Variants in OPHN1 observed in about 807,000 individuals in gnomAD.
The protein encoded by OPHN1 is oligophrenin-1.
In OPHN1, 11 loss-of-function variants were observed where a neutral mutation model predicts 60.7. The ratio of observed to expected loss-of-function variants is 0.18; its 90% confidence interval spans 0.11 to 0.30. The LOEUF is 0.30. OPHN1 is among the 10% of genes least tolerant of loss of function. The pLI is 1.00. For synonymous variants in OPHN1, 226 were observed against 222.6 expected, an observed-to-expected ratio of 1.02 and a Z score of -0.14; for missense variants, 449 against 611.0, an observed-to-expected ratio of 0.73 and a Z score of 2.80.
intron 2 of OPHN1, among the ~76,000 whole-genome samples, chrX:68,377,184 C>G (rs929171926): frequency 9.4e-6 from 1 of 106,814 alleles, no homozygotes; most frequent in Admixed American, 1.0e-4. Context: ...GTAAGCTCCA[C>G]CTCCCGGCTT....
chrX:68,185,577 T>C (rs751654833), intron 15 of OPHN1, among the ~76,000 whole-genome samples: 67 of 111,020 alleles, frequency 6.0e-4, no homozygotes, highest in African/African-American at 2.2e-3. Context: ...AGGGTTCCAA[T>C]GTATGCTCAT....
intron 2 of OPHN1, among the ~76,000 whole-genome samples, chrX:68,417,480 C>T (rs145098911): frequency 0.013 from 1,446 of 112,238 alleles, 24 homozygotes; most frequent in African/African-American, 0.044. Flanking sequence ...AGAAGTTTCC[C>T]TCTATCAGTT....
At chrX:68,396,164 G>A (rs1335140551) in intron 2 of OPHN1, among the ~76,000 whole-genome samples, 2 of 107,322 alleles carry the variant, frequency 1.9e-5, no homozygotes, top group African/African-American at 6.8e-5. Flanking sequence ...GAGGAATGGC[G>A]ACTCATGCCT....
At chrX:68,063,223 G>A (rs1465154665) in intron 21 of OPHN1, among the ~76,000 whole-genome samples, 1 of 110,674 alleles carries the variant, frequency 9.0e-6, no homozygotes, top group Non-Finnish European at 1.9e-5. Flanking sequence ...AAAAAAAACA[G>A]GAATAATACA....
At position 68,122,118 on chromosome X, in the gene OPHN1, T is replaced by C. The variant is rs749546077; in HGVS notation, c.1277-2786A>G. On this transcript the variant is annotated intron_variant, in intron 15 of 24. Coordinates refer to ENST00000355520, the MANE Select transcript of OPHN1 (RefSeq NM_002547.3). ...TGTGGTAGCTGTGGGGAGAGACTCCTTCTGCTTCAGAAAAGTAGAGGGAAA... is the reference window on the plus strand; with the variant it reads ...TGTGGTAGCTGTGGGGAGAGACTCCCTCTGCTTCAGAAAAGTAGAGGGAAA... 2.1e-3 allele frequency among the ~76,000 whole-genome samples: 232 copies of C among 111,383 alleles called. 2 individuals carry two copies. Among genetic ancestry groups the C allele is most frequent in the South Asian group, 0.014 (35 of 2,592 alleles).
intron 15 of OPHN1, among the ~76,000 whole-genome samples, chrX:68,185,081 T>A (rs1203736807): frequency 8.9e-6 from 1 of 112,682 alleles, no homozygotes; most frequent in African/African-American, 3.2e-5. Context: ...TAGAAATCTT[T>A]GAGAAATATG....
chrX:68,352,655 CTT>C (rs953857325), intron 2 of OPHN1, among the ~76,000 whole-genome samples: 6 of 112,032 alleles, frequency 5.4e-5, no homozygotes, highest in South Asian at 3.7e-4. Context: ...CATTGGGAGA[CTT>C]TGATGAAACT....
chrX:68,428,278 C>T (rs2078869361), intron 2 of OPHN1, among the ~76,000 whole-genome samples: 1 of 111,875 alleles, frequency 8.9e-6, no homozygotes, highest in Non-Finnish European at 1.9e-5. Context: ...TCTCAAAAAT[C>T]TGTTACAAGA....
intron 23 of OPHN1, among the ~76,000 whole-genome samples, chrX:68,049,643 T>C (rs756820616): frequency 1.8e-5 from 2 of 112,030 alleles, no homozygotes; most frequent in Non-Finnish European, 3.8e-5. Context: ...CAGCTCAGAA[T>C]GTGACTGTCA....
At chrX:68,310,564 C>G (rs1397795553) in intron 2 of OPHN1, among the ~76,000 whole-genome samples, 3 of 110,121 alleles carry the variant, frequency 2.7e-5, no homozygotes, top group African/African-American at 6.6e-5. Context: ...AATATGAGAG[C>G]CAGGCAGCAG....
chrX:68,360,271 T>C (rs1362565247), intron 2 of OPHN1, among the ~76,000 whole-genome samples: 1 of 110,802 alleles, frequency 9.0e-6, no homozygotes, highest in African/African-American at 3.3e-5. Context: ...CTCAAACTCC[T>C]GCGTTCAAGT....
chrX:68,151,266 G>A (rs1423191176), intron 15 of OPHN1, among the ~76,000 whole-genome samples: 2 of 112,317 alleles, frequency 1.8e-5, no homozygotes, highest in African/African-American at 6.5e-5. Flanking sequence ...GTAAAAGAAT[G>A]GGTGTGGCTA....
chrX:68,120,963 T>C, intron 15 of OPHN1, among the ~76,000 whole-genome samples: 1 of 112,193 alleles, frequency 8.9e-6, no homozygotes, highest in Admixed American at 9.5e-5. Flanking sequence ...AATTGGACTC[T>C]ATCTTACACT....
chrX:68,317,364 AAAGAAAGAAAGAAAGGAAGGAAGGAAGG>A (rs2078206231), intron 2 of OPHN1, among the ~76,000 whole-genome samples: 1 of 66,963 alleles, frequency 1.5e-5, no homozygotes, highest in African/African-American at 7.6e-5. Flanking sequence ...AGAAAGAAAG[AAAGAAAGAAAGAAAGGAAGGAAGGAAGG>A]AAGGAAGGAA....
chrX:68,045,062 G>A lies in OPHN1; in HGVS notation c.*2110C>T, dbSNP rs1181641809. 1 of 111,454 alleles carries A rather than the reference G, an allele frequency of 9.0e-6. No homozygotes were observed. Among genetic ancestry groups the A allele is most frequent in the East Asian group, 2.8e-4 (1 of 3,515 alleles). 9.2% of individuals were successfully genotyped at this position (111,454 alleles called of 1,213,427 possible). Reference sequence around the variant, plus strand: ...TCTGCTTTATTCAGGATAGAGCAGGGAGGCCACAGCCCTGAAACAAGGGCT... The same window carrying A: ...TCTGCTTTATTCAGGATAGAGCAGGAAGGCCACAGCCCTGAAACAAGGGCT... On this transcript the variant is annotated 3_prime_UTR_variant, in exon 25 of 25. Transcript: ENST00000355520.
At chrX:68,288,635 A>G (rs2078056351) in intron 3 of OPHN1, among the ~76,000 whole-genome samples, 2 of 110,608 alleles carry the variant, frequency 1.8e-5, no homozygotes, top group Admixed American at 1.9e-4. Flanking sequence ...GTGGAAGCAG[A>G]CACCTGTAAT....
chrX:68,420,672 A>G (rs1376667890), intron 2 of OPHN1, among the ~76,000 whole-genome samples: 4 of 111,119 alleles, frequency 3.6e-5, no homozygotes. Context: ...AAGGCTAACC[A>G]GAAAAACTCC....
At chrX:68,140,467 A>C (rs2077237672) in intron 15 of OPHN1, among the ~76,000 whole-genome samples, 1 of 111,482 alleles carries the variant, frequency 9.0e-6, no homozygotes, top group African/African-American at 3.3e-5. Flanking sequence ...TAACTGAAAG[A>C]CTCATGAGAG....
chrX:68,151,188 C>T (rs1264489497), intron 15 of OPHN1, among the ~76,000 whole-genome samples: 3 of 111,838 alleles, frequency 2.7e-5, no homozygotes, highest in Non-Finnish European at 3.8e-5. Flanking sequence ...AGATTTTGCC[C>T]GCCATATAGT....
Sources: gnomAD v4.1 joint callset for allele counts (sites outside exome capture counted in the v4.1 genomes callset) on GRCh38, gnomAD v4.1.1 for gene constraint, MANE v1.5 for transcripts, NCBI Gene and HGNC (gene_info 2026-07-23, HGNC 2026-07-21) for gene names.